OLFML2A: variants seen among roughly 807,000 people sequenced by gnomAD.
The protein encoded by OLFML2A is olfactomedin-like protein 2A.
A neutral mutation model predicts 60.9 loss-of-function variants in OLFML2A; 47 were observed. The ratio of observed to expected loss-of-function variants is 0.77; its 90% CI spans 0.61 to 0.98. OLFML2A has a LOEUF of 0.98. Among genes scored for constraint, OLFML2A ranks in the 50% least tolerant of loss-of-function variants. The pLI is 0.00. For synonymous variants in OLFML2A, 372 were observed against 375.0 expected (o/e 0.99, Z 0.09); for missense variants, 922 against 879.8 (o/e 1.05, Z -0.61).
At chr9:124,796,190 A>C (rs541291375) in intron 3 of OLFML2A, among the ~76,000 whole-genome samples, 16 of 152,314 alleles carry the variant, frequency 1.1e-4, no homozygotes, top group African/African-American at 3.8e-4. Context: ...CTCACCCCAA[A>C]GTTGGGATCA....
In OLFML2A at chr9:124,795,064, G is replaced by T; in HGVS notation, c.395G>T (p.Ser132Ile). The change falls in exon 3 of 8, where the codon AGC (serine) becomes ATC (isoleucine). Residue 132 changes from serine to isoleucine, a missense_variant. Transcript: ENST00000373580. ...GATCTCCTGGAGGGCACCCTGTACA[G>T]CATGGACTTGATGAAGGTGCACGCC... is the stretch of plus-strand genomic sequence containing the variant. ...MVDLLEGTLY[S>I]MDLMKVHAYV... 6.2e-7 allele frequency: 1 copy of T among 1,609,326 alleles called. No homozygotes were observed. Among genetic ancestry groups the T allele is most frequent in the Non-Finnish European group, 8.5e-7 (1 of 1,177,718 alleles).
chr9:124,783,552 C>A (rs1011766993), intron 1 of OLFML2A, among the ~76,000 whole-genome samples: 2 of 152,206 alleles, frequency 1.3e-5, no homozygotes, highest in African/African-American at 4.8e-5. Flanking sequence ...TGTTTTAACT[C>A]ACTTAATCCT....
intron 2 of OLFML2A, among the ~76,000 whole-genome samples, chr9:124,787,555 T>TTATTTTATTTTATTC (rs1841499428): frequency 6.6e-6 from 1 of 150,974 alleles, no homozygotes; most frequent in Non-Finnish European, 1.5e-5. Flanking sequence ...TTATTTTATT[T>TTATTTTATTTTATTC]TATTTTATTT....
rs575976599 is a variant in OLFML2A at position 124,806,125 on chromosome 9, T to C, written c.1169-1656T>C. 2.4e-3 allele frequency among the ~76,000 whole-genome samples: 365 copies of C among 152,144 alleles called. 3 individuals carry two copies. Among genetic ancestry groups the C allele is most frequent in the African/African-American group, 7.9e-3 (329 of 41,566 alleles). On this transcript the variant is annotated intron_variant, in intron 6 of 7. Coordinates refer to ENST00000373580, the MANE Select transcript of OLFML2A (RefSeq NM_182487.4). Reference sequence around the variant, plus strand: ...AAATTTTTCTCTGGATAATGGCAGTTTTTAGGTTTTTATTTTTTATCTTAT... The same window carrying C: ...AAATTTTTCTCTGGATAATGGCAGTCTTTAGGTTTTTATTTTTTATCTTAT...
At position 124,779,384 on chromosome 9, in the gene OLFML2A, T is replaced by G. The variant is rs1013386599; in HGVS notation, c.90+2024T>G. On this transcript the variant is annotated intron_variant, in intron 1 of 7. Coordinates refer to ENST00000373580, the MANE Select transcript of OLFML2A (RefSeq NM_182487.4). This position sits in a 1 kb window ranked among gnomAD's most constrained non-coding sequence, Gnocchi z 4.1. The stretch of plus-strand genomic sequence containing the variant: ...TCAGTGCCTTGTCACCACTGGGATC[T>G]CTGGCTGGGAGGGATATTTGGTGTT... Among the ~76,000 whole-genome samples the G allele has an allele frequency of 6.6e-6, 1 of 152,188 alleles. No individual in the cohort carries two copies. The highest frequency in any genetic ancestry group is 2.4e-5 in the African/African-American group (1 of 41,444).
chr9:124,782,227 C>T (rs1363744247), intron 1 of OLFML2A, among the ~76,000 whole-genome samples: 1 of 152,172 alleles, frequency 6.6e-6, no homozygotes, highest in African/African-American at 2.4e-5. Context: ...AGAGGGGCAA[C>T]ATGTAAACCA....
intron 3 of OLFML2A, among the ~76,000 whole-genome samples, chr9:124,797,448 A>G (rs989355419): frequency 2.0e-5 from 3 of 152,218 alleles, no homozygotes; most frequent in Non-Finnish European, 4.4e-5. Flanking sequence ...GCCAGGAAGT[A>G]GAGAGCAAGG....
chr9:124,788,891 T>C (rs1028377439), intron 2 of OLFML2A, among the ~76,000 whole-genome samples: 10 of 152,222 alleles, frequency 6.6e-5, no homozygotes, highest in African/African-American at 2.4e-4. Flanking sequence ...TTTCCTGTCT[T>C]CCTTTTTGTA....
At chr9:124,802,844 G>C (rs1480520271) in intron 5 of OLFML2A, among the ~76,000 whole-genome samples, 1 of 152,216 alleles carries the variant, frequency 6.6e-6, no homozygotes, top group Non-Finnish European at 1.5e-5. Flanking sequence ...CAGCTGACCA[G>C]GAGGTCCCCT....
intron 1 of OLFML2A, among the ~76,000 whole-genome samples, chr9:124,784,695 A>C (rs1841424715): frequency 6.6e-6 from 1 of 152,152 alleles, no homozygotes; most frequent in Admixed American, 6.5e-5. Context: ...GTTCCAGAAC[A>C]TCTTTGTCAT....
chr9:124,800,688 G>A (rs976807350), intron 4 of OLFML2A, among the ~76,000 whole-genome samples: 1 of 152,190 alleles, frequency 6.6e-6, no homozygotes, highest in Non-Finnish European at 1.5e-5. Context: ...TGCCAATTCC[G>A]CAGGCGAGAA....
At chr9:124,787,315 A>T in intron 2 of OLFML2A, 77 bp downstream of exon 2, 1 of 1,407,368 alleles carries the variant, frequency 7.1e-7, no homozygotes, top group Non-Finnish European at 9.9e-7. Context: ...TGAAAATTCC[A>T]CACACTCTGT....
At chr9:124,793,953 T>G (rs1203323551) in intron 2 of OLFML2A, among the ~76,000 whole-genome samples, 1 of 152,180 alleles carries the variant, frequency 6.6e-6, no homozygotes, top group African/African-American at 2.4e-5. Flanking sequence ...GTGGGAGGAT[T>G]GCTTGAGCTC....
In OLFML2A at chr9:124,801,634, G is replaced by A. The variant is rs1564286940; in HGVS notation, c.890G>A (p.Gly297Asp). The A allele has an allele frequency of 1.2e-6, 2 of 1,613,688 alleles. No individual in the cohort carries two copies. Among genetic ancestry groups the A allele is most frequent in the Admixed American group, 3.3e-5 (2 of 60,012 alleles). The change falls in exon 5 of 8, where the codon GGC (glycine) becomes GAC (aspartate). Residue 297 changes from glycine to aspartate, a missense_variant. Gly to Asp is a moderately conservative substitution (Grantham distance 94). Transcript: ENST00000373580. ...CGGGGCTTCACCTACTACAAGGCAG[G>A]CAAGCAGGAGGTGACCGAGGCGGTG... ...VIRGFTYYKAGKQEVTEAVAD... is the reference protein window; with the variant it reads ...VIRGFTYYKADKQEVTEAVAD...
chr9:124,787,042 T>A lies in OLFML2A; in HGVS notation c.158T>A (p.Met53Lys). ...TCCGACTGCCGTTGCAAGTGCATCA[T>A]GCGGCCCCTGAGCAAGGACGCGTGT... Reference protein sequence around the residue: ...EGSDCRCKCIMRPLSKDACSR... With the variant: ...EGSDCRCKCIKRPLSKDACSR... Residue 53 changes from methionine to lysine, a missense_variant, in exon 2 of 8, where the codon ATG becomes AAG. By Grantham distance (95) the Met-to-Lys change is moderately conservative. Coordinates refer to ENST00000373580, the MANE Select transcript of OLFML2A (RefSeq NM_182487.4). The A allele has an allele frequency of 1.2e-6, 2 of 1,614,014 alleles. No homozygotes were observed. Among genetic ancestry groups the A allele is most frequent in the Non-Finnish European group, 1.7e-6 (2 of 1,180,002 alleles).
At chr9:124,791,725 G>T (rs1165340771) in intron 2 of OLFML2A, among the ~76,000 whole-genome samples, 1 of 127,990 alleles carries the variant, frequency 7.8e-6, no homozygotes. Flanking sequence ...GCGACAGAGC[G>T]AGACTCTGTC....
intron 1 of OLFML2A, 50 bp from the exon 2 acceptor site, chr9:124,786,925 A>G (rs1459707748): frequency 6.4e-7 from 1 of 1,563,988 alleles, no homozygotes; most frequent in Non-Finnish European, 8.7e-7. Flanking sequence ...TCCCTGCCAT[A>G]GCACTGCCTA....
At chr9:124,797,851 G>A (rs1489814480) in intron 3 of OLFML2A, among the ~76,000 whole-genome samples, 2 of 152,214 alleles carry the variant, frequency 1.3e-5, no homozygotes, top group African/African-American at 4.8e-5. Flanking sequence ...GGGGCATTAT[G>A]GTTCTAAGCA....
intron 3 of OLFML2A, 55 bp downstream of exon 3, chr9:124,795,186 G>A (rs1349911374): frequency 9.6e-6 from 11 of 1,149,002 alleles, no homozygotes; most frequent in Admixed American, 2.0e-5. Context: ...GGGGCCAAGG[G>A]CACTGTCCGA....
Sources: gnomAD v4.1 joint callset for allele counts (sites outside exome capture counted in the v4.1 genomes callset) on GRCh38, gnomAD v4.1.1 for gene constraint, Gnocchi (gnomAD v3.1) non-coding constraint, MANE v1.5 for transcripts, NCBI Gene and HGNC (gene_info 2026-07-23, HGNC 2026-07-21) for gene names.